MTUS2: variants seen among roughly 807,000 people sequenced by gnomAD.
The protein encoded by MTUS2 is microtubule associated scaffold protein 2, also known as microtubule-associated tumor suppressor candidate 2.
Under a neutral mutation model 114.1 loss-of-function variants are expected in MTUS2, and 40 were observed. The ratio of observed to expected loss-of-function variants is 0.35; its 90% CI spans 0.27 to 0.46. MTUS2 has a LOEUF of 0.46. Ranked by LOEUF, MTUS2 falls within the 20% of genes least tolerant of loss-of-function variation. The pLI is 1.00. For synonymous variants in MTUS2, 688 were observed against 672.0 expected (o/e 1.02, Z -0.37); for missense variants, 1,679 against 1,705.4 (o/e 0.98, Z 0.27).
chr13:29,497,089 T>C, intron 12 of MTUS2, 149 bp from the exon 13 acceptor site: 2 of 663,918 alleles, frequency 3.0e-6, no homozygotes, highest in Non-Finnish European at 5.3e-6. Context: ...TTGTGGGGGC[T>C]CTCCTTTGGC....
rs999054704 is a variant in MTUS2, at chr13:29,052,202, C to T, written c.2446+18077C>T. On this transcript the variant is annotated intron_variant, in intron 4 of 15. Coordinates refer to ENST00000612955, the MANE Select transcript of MTUS2 (RefSeq NM_001033602.4). ...TTTTTTCTTAGAAAATCAAAACAGG[C>T]CTGGCACAGTGGCTCACGCCTGTAA... Among the ~76,000 whole-genome samples, 5 of 152,122 alleles carry T rather than the reference C, an allele frequency of 3.3e-5. No homozygotes were observed. The East Asian group carries it at 9.6e-4, about 29-fold the overall frequency.
At chr13:28,850,022 A>T (rs1876161087) in intron 2 of MTUS2, among the ~76,000 whole-genome samples, 1 of 152,176 alleles carries the variant, frequency 6.6e-6, no homozygotes, top group Non-Finnish European at 1.5e-5. Context: ...TGAATGGGAC[A>T]AATGCAGCTT....
At chr13:29,188,837 C>G (rs940654573) in intron 5 of MTUS2, among the ~76,000 whole-genome samples, 3 of 152,190 alleles carry the variant, frequency 2.0e-5, no homozygotes, top group African/African-American at 7.2e-5. Flanking sequence ...TGAGGGACTC[C>G]CCCTGCACGC....
chr13:29,107,843 A>G (rs1166545114), intron 5 of MTUS2, among the ~76,000 whole-genome samples: 3 of 152,166 alleles, frequency 2.0e-5, no homozygotes, highest in Non-Finnish European at 2.9e-5. Flanking sequence ...GATCAAGTAT[A>G]GATATTCTTA....
At chr13:28,916,549 T>C (rs1252214608) in intron 2 of MTUS2, among the ~76,000 whole-genome samples, 1 of 151,898 alleles carries the variant, frequency 6.6e-6, no homozygotes, top group Non-Finnish European at 1.5e-5. Context: ...TTTTTGGCTA[T>C]TGTAAATCAG....
chr13:29,317,235 T>G (rs1422267489), intron 6 of MTUS2, among the ~76,000 whole-genome samples: 1 of 152,240 alleles, frequency 6.6e-6, no homozygotes, highest in Non-Finnish European at 1.5e-5. Context: ...TGTGTTGAAA[T>G]GGAACAAACC....
At chr13:29,476,091 A>T (rs1376541421) in intron 9 of MTUS2, among the ~76,000 whole-genome samples, 1 of 151,738 alleles carries the variant, frequency 6.6e-6, no homozygotes, top group Admixed American at 6.6e-5. Context: ...ATATGATTAG[A>T]TTCACAAATA....
chr13:28,918,859 C>T (rs879429587), intron 2 of MTUS2, among the ~76,000 whole-genome samples: 22 of 152,068 alleles, frequency 1.4e-4, no homozygotes, highest in Non-Finnish European at 2.5e-4. Flanking sequence ...TTTGAAGCTA[C>T]CATAAGGCTT....
At position 28,867,266 on chromosome 13, in the gene MTUS2, G is replaced by A. The variant is rs552543716; in HGVS notation, c.-243+27416G>A. On this transcript the variant is annotated intron_variant, in intron 2 of 15. Coordinates refer to ENST00000612955, the MANE Select transcript of MTUS2 (RefSeq NM_001033602.4). ...TAAGCAAAACTTGCTAATGGCTTTAGCCCTTGGGAATATGTAACCAAAGCT... is the reference window on the plus strand; with the variant it reads ...TAAGCAAAACTTGCTAATGGCTTTAACCCTTGGGAATATGTAACCAAAGCT... Among the ~76,000 whole-genome samples, 6 of 152,272 alleles carry A rather than the reference G, an allele frequency of 3.9e-5. No homozygotes were observed. In the East Asian group the frequency reaches 1.2e-3, roughly 29 times the overall value.
intron 2 of MTUS2, among the ~76,000 whole-genome samples, chr13:28,923,435 A>G (rs901042789): frequency 6.6e-6 from 1 of 152,230 alleles, no homozygotes; most frequent in Admixed American, 6.5e-5. Context: ...TAAGTTTAGT[A>G]TGCAGGACCT....
chr13:29,503,127 T>C lies in MTUS2; in HGVS notation c.4031T>C (p.Leu1344Pro). Residue 1344 changes from leucine to proline, a missense_variant, in exon 16 of 16, where the codon CTC becomes CCC. By Grantham distance (98) the Leu-to-Pro change is moderately conservative. Coordinates refer to ENST00000612955, the MANE Select transcript of MTUS2 (RefSeq NM_001033602.4). Reference protein sequence around the residue: ...QTGDPTSPIKLSPTSPVYRGS... With the variant: ...QTGDPTSPIKPSPTSPVYRGS... ...GGGGACCCGACCAGTCCGATTAAACTCTCGCCCACATCTCCCGTTTACCGC... is the reference window on the plus strand; with the variant it reads ...GGGGACCCGACCAGTCCGATTAAACCCTCGCCCACATCTCCCGTTTACCGC... The C allele has an allele frequency of 6.2e-7, 1 of 1,614,176 alleles. No individual in the cohort carries two copies. Among genetic ancestry groups the C allele is most frequent in the Non-Finnish European group, 8.5e-7 (1 of 1,180,030 alleles).
chr13:29,023,996 A>G (rs1886400612), intron 2 of MTUS2, among the ~76,000 whole-genome samples: 1 of 152,254 alleles, frequency 6.6e-6, no homozygotes, highest in Non-Finnish European at 1.5e-5. Flanking sequence ...GGGGGAAGAT[A>G]CTTTAAGCAT....
At chr13:29,498,293 G>C in intron 13 of MTUS2, 125 bp from the exon 14 acceptor site, 1 of 1,322,600 alleles carries the variant, frequency 7.6e-7, no homozygotes, top group Non-Finnish European at 1.0e-6. Flanking sequence ...CTCTCTCTTT[G>C]GTGTTGCAGT....
chr13:29,333,387 G>T (rs1220618780), intron 7 of MTUS2, among the ~76,000 whole-genome samples: 1 of 151,930 alleles, frequency 6.6e-6, no homozygotes, highest in Non-Finnish European at 1.5e-5. Flanking sequence ...AGTAGAGATG[G>T]GGTTTCTCCA....
chr13:29,055,468 A>G (rs954526853), intron 4 of MTUS2, among the ~76,000 whole-genome samples: 1 of 152,144 alleles, frequency 6.6e-6, no homozygotes, highest in Non-Finnish European at 1.5e-5. Context: ...TTCATCACCC[A>G]GGTGATAAAC....
At chr13:29,328,655 T>C (rs1262533667) in intron 7 of MTUS2, among the ~76,000 whole-genome samples, 2 of 152,150 alleles carry the variant, frequency 1.3e-5, no homozygotes. Flanking sequence ...TCTTTAAAGA[T>C]TTCAAAGCTC....
At chr13:28,921,871 G>A (rs978614213) in intron 2 of MTUS2, among the ~76,000 whole-genome samples, 7 of 152,114 alleles carry the variant, frequency 4.6e-5, no homozygotes, top group East Asian at 1.9e-4. Context: ...CCAAGTGCAC[G>A]GATTTCTCCA....
rs958448948 is a variant in MTUS2, at chr13:29,492,661, A to G, written c.3521A>G (p.His1174Arg). Residue 1174 changes from histidine (H) to arginine (R), a missense_variant, in exon 12 of 16, where the codon CAT becomes CGT. Physicochemically the swap from His to Arg is conservative, Grantham distance 29 (BLOSUM62 0). This residue lies in a region of MTUS2 where 822 missense variants were observed against 899.7 expected (regional missense o/e 0.91). Coordinates refer to ENST00000612955, the MANE Select transcript of MTUS2 (RefSeq NM_001033602.4). ...DHKVQELMST[H>R]ELEKKELEEN... Reference sequence around the variant, plus strand: ...TTCTTTCCAGAATTGATGTCCACTCATGAGCTTGAAAAGAAAGAATTGGAA... The same window carrying G: ...TTCTTTCCAGAATTGATGTCCACTCGTGAGCTTGAAAAGAAAGAATTGGAA... The G allele has an allele frequency of 1.2e-6, 2 of 1,613,502 alleles. No individual in the cohort carries two copies. The highest frequency in any genetic ancestry group is 1.7e-6 in the Non-Finnish European group (2 of 1,179,574).
intron 2 of MTUS2, among the ~76,000 whole-genome samples, chr13:28,872,890 G>A (rs1003218934): frequency 6.6e-6 from 1 of 152,134 alleles, no homozygotes; most frequent in African/African-American, 2.4e-5. Context: ...TTATGGCTGA[G>A]AATTTTCCAA....
Sources: gnomAD v4.1 joint callset for allele counts (sites outside exome capture counted in the v4.1 genomes callset) on GRCh38, gnomAD v4.1.1 for gene constraint, gnomAD v4.1.1 regional missense constraint, MANE v1.5 for transcripts, NCBI Gene and HGNC (gene_info 2026-07-23, HGNC 2026-07-21) for gene names.